Variants in TNXB observed in about 807,000 individuals in gnomAD.
The protein encoded by TNXB is tenascin XB.
TNXB carries 183 observed loss-of-function variants against 340.5 expected under a neutral mutation model. That is an observed-to-expected ratio of 0.54 (90% CI 0.48 to 0.61). TNXB has a LOEUF of 0.61. Among genes scored for constraint, TNXB ranks in the 20% least tolerant of loss-of-function variants. The pLI is 0.00. For synonymous variants in TNXB, 2,121 were observed against 2,314.5 expected (o/e 0.92, Z 2.40); for missense variants, 4,613 against 5,446.4 (o/e 0.85, Z 4.82).
chr6:32,065,070 C>G lies in TNXB; in HGVS notation c.6592G>C (p.Gly2198Arg). Residue 2198 changes from glycine (G) to arginine (R), a missense_variant, in exon 19 of 44, where the codon GGG becomes CGG. Transcript: ENST00000644971. The part of the protein sequence containing the change: ...PDAPLAKLRL[G>R]QMTVRDITSD... ...GTGATGTCTCTCACTGTCATCTGCC[C>G]TAGGCGCAGCTTTGCAAGAGGAGCA... 6.3e-7 allele frequency: 1 copy of G among 1,597,604 alleles called. No homozygotes were observed. Among genetic ancestry groups the G allele is most frequent in the Non-Finnish European group, 8.5e-7 (1 of 1,172,390 alleles).
At position 32,042,494 on chromosome 6, in the gene TNXB, G is replaced by A. The variant is rs557940164; in HGVS notation, c.12171C>T (p.Asn4057=). 52 of 1,612,806 alleles carry A rather than the reference G, an allele frequency of 3.2e-5. No individual in the cohort carries two copies. The highest frequency in any genetic ancestry group is 1.2e-4 in the South Asian group (11 of 91,044). Residue 4057 remains asparagine, a synonymous_variant, in exon 40 of 44, where the codon AAC becomes AAT. Transcript: ENST00000644971. ...FLNGNRERPL[N]VFCDMETDGG... is the part of the protein sequence containing the mutation. ...CATCAGTCTCCATGTCGCAAAACAC[G>A]TTCAGGGGCCGCTCGCGGTTGCCGT...
In TNXB at chr6:32,088,788, T is replaced by C. The variant is rs1356696581; in HGVS notation, c.2776A>G (p.Thr926Ala). ...VSYPASVRANTGSSPLGLLGT... is the reference protein window; with the variant it reads ...VSYPASVRANAGSSPLGLLGT... ...CCTAACCTCTGGCCAGCCATACCTG[T>C]GTTGGCCCTGACAGAAGCTGGGTAG... The change falls in exon 6 of 44, where the codon ACA becomes GCA. Residue 926 changes from threonine (T) to alanine (A), a missense_variant. Thr to Ala is a moderately conservative substitution (Grantham distance 58, BLOSUM62 0). This residue lies in a region of TNXB where 4,327 missense variants were observed against 4,859.4 expected (regional missense o/e 0.89). Transcript: ENST00000644971. 6.4e-7 allele frequency: 1 copy of C among 1,570,080 alleles called. No individual in the cohort carries two copies. The highest frequency in any genetic ancestry group is 1.2e-5 in the South Asian group (1 of 84,538).
At chr6:32,104,391 G>A (rs991434352) in intron 1 of TNXB, among the ~76,000 whole-genome samples, 1 of 152,124 alleles carries the variant, frequency 6.6e-6, no homozygotes, top group African/African-American at 2.4e-5. Context: ...CTGAACTCAC[G>A]GTCACCTTCC....
Position 32,070,903 on chromosome 6 carries a change from T to C in TNXB, c.4991-489A>G, listed in dbSNP as rs1030743671. On this transcript the variant is annotated intron_variant, in intron 13 of 43. Coordinates refer to ENST00000644971, the MANE Select transcript of TNXB (RefSeq NM_001365276.2). This position sits in a 1 kb window ranked among gnomAD's most constrained non-coding sequence, Gnocchi z 6.0. The stretch of plus-strand genomic sequence containing the variant: ...CACAGGTAGTTCTCACCCTTCTCCG[T>C]TCCCTTTCTTATTCTGCACCGGCTG... 1.3e-5 allele frequency among the ~76,000 whole-genome samples: 2 copies of C among 152,198 alleles called. No homozygotes were observed. The highest frequency in any genetic ancestry group is 2.9e-5 in the Non-Finnish European group (2 of 68,016).
intron 1 of TNXB, among the ~76,000 whole-genome samples, chr6:32,107,469 T>C (rs1781040048): frequency 6.6e-6 from 1 of 151,954 alleles, no homozygotes; most frequent in African/African-American, 2.4e-5. Flanking sequence ...ATTCTGCTCT[T>C]CTCTCGGTAC....
intron 18 of TNXB, 27 bp from the exon 19 acceptor site, chr6:32,065,144 T>C (rs1469818925): frequency 6.6e-7 from 1 of 1,514,026 alleles, no homozygotes; most frequent in Non-Finnish European, 8.9e-7. Context: ...ACAGAATCTT[T>C]TCTCTTGCTG....
At chr6:32,106,110 G>A (rs948926012) in intron 1 of TNXB, among the ~76,000 whole-genome samples, 2 of 149,228 alleles carry the variant, frequency 1.3e-5, no homozygotes, top group Non-Finnish European at 3.0e-5. Context: ...ACTCTTGAGG[G>A]GGTAGTGACT....
chr6:32,053,311 T>C lies in TNXB; in HGVS notation c.8791+77A>G, dbSNP rs1163256593. ...CTCAGCCAAGAGCAGAGGGGCTTCC[T>C]GGGCCAGTTCACCCATCACCAGAGA... On this transcript the variant is annotated intron_variant, in intron 25 of 43. Transcript: ENST00000644971. 30 of 1,545,572 alleles carry C rather than the reference T, an allele frequency of 1.9e-5. No individual in the cohort carries two copies. In the Admixed American group the frequency reaches 5.6e-4, roughly 29 times the overall value.
rs778500698 is a variant in TNXB at position 32,070,129 on chromosome 6, G to A, written c.5276C>T (p.Thr1759Met). Reference sequence around the variant, plus strand: ...GACCTGCAGGGAATGCCCCTCACCCGTGGTGCCGTCGGCAGTGAGAGGGCC... The same window carrying A: ...GACCTGCAGGGAATGCCCCTCACCCATGGTGCCGTCGGCAGTGAGAGGGCC... ...RHGPLTADGT[T>M]EARSAMDDTG... is the part of the protein sequence containing the mutation. Residue 1759 changes from threonine (T) to methionine (M), a missense_variant and splice_region_variant, in exon 14 of 44, where the codon ACG becomes ATG. By Grantham distance (81) the Thr-to-Met change is moderately conservative. Transcript: ENST00000644971. This position sits in a 1 kb window ranked among gnomAD's most constrained non-coding sequence, Gnocchi z 6.0. 13 of 1,564,584 alleles carry A rather than the reference G, an allele frequency of 8.3e-6. No homozygotes were observed. Among genetic ancestry groups the A allele is most frequent in the Admixed American group, 5.3e-5 (3 of 56,324 alleles).
At chr6:32,103,897 A>C (rs1780850355) in intron 1 of TNXB, among the ~76,000 whole-genome samples, 3 of 151,714 alleles carry the variant, frequency 2.0e-5, no homozygotes, top group South Asian at 2.1e-4. Context: ...ACACCTAGCT[A>C]ATTTTTTATT....
rs1434410684 is a variant in TNXB, at chr6:32,084,758, T to C, written c.3149-49A>G. On this transcript the variant is annotated intron_variant, in intron 7 of 43. Coordinates refer to ENST00000644971, the MANE Select transcript of TNXB (RefSeq NM_001365276.2). This position sits in a 1 kb window ranked among gnomAD's most constrained non-coding sequence, Gnocchi z 5.5. ...AAGCATAGTGGACTCAACCGTTCTC[T>C]TGTCTGTGTCTCCTTCCCTCTCCCC... 6.8e-7 allele frequency: 1 copy of C among 1,467,604 alleles called. No individual in the cohort carries two copies. The highest frequency in any genetic ancestry group is 2.4e-5 in the East Asian group (1 of 41,976). The allele number at this position is 1,467,604 out of a possible 1,614,324, so 90.9% of individuals were successfully genotyped here. A position where few individuals can be genotyped will look rare whatever the true frequency, so the allele number is the denominator to read the frequency against.
At position 32,049,359 on chromosome 6, in the gene TNXB, C is replaced by G; in HGVS notation, c.9668G>C (p.Gly3223Ala). Residue 3223 changes from glycine to alanine, a missense_variant, in exon 28 of 44, where the codon GGC (glycine) becomes GCC (alanine). Physicochemically the swap from Gly to Ala is moderately conservative, Grantham distance 60. Transcript: ENST00000644971. The surrounding 1 kb of genome is among the most constrained non-coding windows in gnomAD (Gnocchi z 4.5). Reference protein sequence around the residue: ...RGEESEVTVGGLEPGRKYKMH... With the variant: ...RGEESEVTVGALEPGRKYKMH... ...CTTGTATTTGCGCCCGGGCTCCAGG[C>G]CCCCCACGGTGACCTCGCTCTCCTC... 1.2e-6 allele frequency: 2 copies of G among 1,612,392 alleles called. No homozygotes were observed. The highest frequency in any genetic ancestry group is 1.7e-6 in the Non-Finnish European group (2 of 1,179,790).
rs1377610482 is a variant in TNXB at position 32,082,038 on chromosome 6, G to C, written c.3734C>G (p.Thr1245Ser). Residue 1245 changes from threonine to serine, a missense_variant and splice_region_variant, in exon 9 of 44, where the codon ACT becomes AGT. Physicochemically the swap from Thr to Ser is moderately conservative, Grantham distance 58. Coordinates refer to ENST00000644971, the MANE Select transcript of TNXB (RefSeq NM_001365276.2). The surrounding 1 kb of genome is among the most constrained non-coding windows in gnomAD (Gnocchi z 5.0). ...GGGCTGAGGTGGCTGCTACTCACCAGTGGTGCCATCGGCCGTGAGGGGGCC... is the reference window on the plus strand; with the variant it reads ...GGGCTGAGGTGGCTGCTACTCACCACTGGTGCCATCGGCCGTGAGGGGGCC... ...RYGPLTADGT[T>S]APERKEEPPR... is the part of the protein sequence containing the mutation. 3 of 1,601,820 alleles carry C rather than the reference G, an allele frequency of 1.9e-6. No homozygotes were observed. The highest frequency in any genetic ancestry group is 2.7e-5 in the African/African-American group (2 of 74,932).
Position 32,082,284 on chromosome 6 carries a change from C to T in TNXB, c.3488G>A (p.Gly1163Glu), listed in dbSNP as rs185207099. 1,710 of 1,603,598 alleles carry T rather than the reference C, an allele frequency of 1.1e-3. 1 individual carries two copies. Among genetic ancestry groups the T allele is most frequent in the Non-Finnish European group, 1.4e-3 (1,646 of 1,174,654 alleles). The change falls in exon 9 of 44, where the codon GGA becomes GAA. Residue 1163 changes from glycine (G) to glutamate (E), a missense_variant. Gly to Glu is a moderately conservative substitution (Grantham distance 98). This residue lies in a region of TNXB where 4,327 missense variants were observed against 4,859.4 expected (regional missense o/e 0.89). Transcript: ENST00000644971. The surrounding 1 kb of genome is among the most constrained non-coding windows in gnomAD (Gnocchi z 5.0). ...DPSPGTPPHL[G>E]NLWVTDPTPD... ...GGTAGGGTCTGTCACCCACAGGTTT[C>T]CCAGGTGGGGTGGAGTCCCTGGACT...
Position 32,097,826 on chromosome 6 carries a change from A to G in TNXB, c.373T>C (p.Cys125Arg). The change falls in exon 2 of 44, where the codon TGT (cysteine) becomes CGT (arginine). Residue 125 changes from cysteine to arginine, a missense_variant. By Grantham distance (180) the Cys-to-Arg change is radical. Coordinates refer to ENST00000644971, the MANE Select transcript of TNXB (RefSeq NM_001365276.2). The surrounding 1 kb of genome is among the most constrained non-coding windows in gnomAD (Gnocchi z 5.9). Reference protein sequence around the residue: ...KGLKEQCTGGCCPASAQAGTG... With the variant: ...KGLKEQCTGGRCPASAQAGTG... ...CCAGCTTGGGCAGAGGCAGGACAAC[A>G]TCCCCCAGTGCACTGTTCCTTGAGC... The G allele has an allele frequency of 6.6e-7, 1 of 1,508,492 alleles. No homozygotes were observed. The highest frequency in any genetic ancestry group is 8.9e-7 in the Non-Finnish European group (1 of 1,126,224). The allele number at this position is 1,508,492 out of a possible 1,614,324, so 93.4% of individuals were successfully genotyped here. A position where few individuals can be genotyped will look rare whatever the true frequency, so the allele number is the denominator to read the frequency against.
At position 32,047,842 on chromosome 6, in the gene TNXB, G is replaced by A. The variant is rs375911095; in HGVS notation, c.10216C>T (p.Arg3406Trp). 2.5e-5 allele frequency: 41 copies of A among 1,611,902 alleles called. No individual in the cohort carries two copies. The highest frequency in any genetic ancestry group is 3.1e-5 in the Non-Finnish European group (36 of 1,179,438). Residue 3406 changes from arginine to tryptophan, a missense_variant, in exon 30 of 44, where the codon CGG becomes TGG. By Grantham distance (101) the Arg-to-Trp change is moderately radical. Transcript: ENST00000644971. This position sits in a 1 kb window ranked among gnomAD's most constrained non-coding sequence, Gnocchi z 6.2. Reference protein sequence around the residue: ...LQVVPVAANQREVTVQGLEPS... With the variant: ...LQVVPVAANQWEVTVQGLEPS... ...TCCAGGCCCTGGACTGTGACCTCCCGCTGGTTGGCTGCCACCGGCACCACC... is the reference window on the plus strand; with the variant it reads ...TCCAGGCCCTGGACTGTGACCTCCCACTGGTTGGCTGCCACCGGCACCACC...
rs1777315572 is a variant in TNXB at position 32,052,129 on chromosome 6, G to A, written c.9115+541C>T. ...AAAAAAGTGTGTTCCTTGGACCAGTGGCATCAAGATAGATGAGAATCTTGT... is the reference window on the plus strand; with the variant it reads ...AAAAAAGTGTGTTCCTTGGACCAGTAGCATCAAGATAGATGAGAATCTTGT... On this transcript the variant is annotated intron_variant, in intron 26 of 43. Transcript: ENST00000644971. The surrounding 1 kb of genome is among the most constrained non-coding windows in gnomAD (Gnocchi z 4.7). Among the ~76,000 whole-genome samples, 1 of 152,174 alleles carries A rather than the reference G, an allele frequency of 6.6e-6. No homozygotes were observed. Among genetic ancestry groups the A allele is most frequent in the Non-Finnish European group, 1.5e-5 (1 of 68,042 alleles).
At position 32,089,922 on chromosome 6, in the gene TNXB, T is replaced by A. The variant is rs1210862955; in HGVS notation, c.2359-543A>T. ...GTCCTGTCAGAACAAATGAAGTAGA[T>A]CAAGGATGCCCCTTCAAGTTGCACT... On this transcript the variant is annotated intron_variant, in intron 4 of 43. Transcript: ENST00000644971. The surrounding 1 kb of genome is among the most constrained non-coding windows in gnomAD (Gnocchi z 6.2). Among the ~76,000 whole-genome samples, 2 of 152,136 alleles carry A rather than the reference T, an allele frequency of 1.3e-5. No homozygotes were observed. The highest frequency in any genetic ancestry group is 2.9e-5 in the Non-Finnish European group (2 of 68,016).
Position 32,089,191 on chromosome 6 carries a change from A to G in TNXB, c.2515+32T>C. ...CCCTCTCTAGTCCAGATCTCCACTC[A>G]GGACACCCCTCCCCACAGCCCCAGC... On this transcript the variant is annotated intron_variant, in intron 5 of 43. Transcript: ENST00000644971. This position sits in a 1 kb window ranked among gnomAD's most constrained non-coding sequence, Gnocchi z 6.2. 6.3e-7 allele frequency: 1 copy of G among 1,576,284 alleles called. No individual in the cohort carries two copies. Among genetic ancestry groups the G allele is most frequent in the Non-Finnish European group, 8.6e-7 (1 of 1,160,104 alleles).
Sources: allele counts gnomAD v4.1 joint callset (sites outside exome capture counted in the v4.1 genomes callset), GRCh38; gene constraint gnomAD v4.1.1; regional missense constraint gnomAD v4.1.1; non-coding constraint Gnocchi (gnomAD v3.1); transcripts MANE v1.5; gene names NCBI Gene and HGNC (gene_info 2026-07-23, HGNC 2026-07-21).